The following DLGAP1 variants were observed in gnomAD, a reference collection of about 807,000 sequenced individuals.
DLGAP1 encodes the protein DLG associated protein 1, also known as disks large-associated protein 1.
In DLGAP1, 11 loss-of-function variants were observed where a neutral mutation model predicts 90.8. That is an observed-to-expected ratio of 0.12 (90% CI 0.08 to 0.20). DLGAP1 has a LOEUF of 0.20. Among genes scored for constraint, DLGAP1 ranks in the 10% least tolerant of loss-of-function variants. DLGAP1 has a pLI of 1.00. For missense variants in DLGAP1, 1,050 were observed against 1,333.8 expected (o/e 0.79, Z 3.31); for synonymous variants, 558 against 540.7 (o/e 1.03, Z -0.44).
intron 2 of DLGAP1, among the ~76,000 whole-genome samples, chr18:4,034,396 A>G (rs537467001): frequency 6.6e-6 from 1 of 152,266 alleles, no homozygotes; most frequent in South Asian, 2.1e-4. Flanking sequence ...GATATTATTA[A>G]TCACATTAAA....
intron 1 of DLGAP1, among the ~76,000 whole-genome samples, chr18:4,335,343 C>T (rs1266830403): frequency 6.6e-6 from 1 of 151,964 alleles, no homozygotes; most frequent in East Asian, 1.9e-4. Context: ...GCATGATCCA[C>T]TACACGAGAG....
chr18:4,068,442 A>G (rs188502218), intron 2 of DLGAP1, among the ~76,000 whole-genome samples: 22 of 151,866 alleles, frequency 1.4e-4, no homozygotes, highest in African/African-American at 4.6e-4. Context: ...TTTTCCATAT[A>G]TTTACATTTG....
At position 4,111,199 on chromosome 18, in the gene DLGAP1, G is replaced by A. The variant is rs2075966603; in HGVS notation, c.-159+39981C>T. Among the ~76,000 whole-genome samples, 3 of 152,058 alleles carry A rather than the reference G, an allele frequency of 2.0e-5. No individual in the cohort carries two copies. The South Asian group carries it at 6.2e-4, about 32-fold the overall frequency. On this transcript the variant is annotated intron_variant, in intron 2 of 12. Coordinates refer to ENST00000315677, the MANE Select transcript of DLGAP1 (RefSeq NM_004746.4). ...GAGTTTTTTTCTGTTGTATTGATATGATGTATTACATTATTTGAGTTTTGA... is the reference window on the plus strand; with the variant it reads ...GAGTTTTTTTCTGTTGTATTGATATAATGTATTACATTATTTGAGTTTTGA...
chr18:3,665,273 C>G (rs980778173), intron 7 of DLGAP1, among the ~76,000 whole-genome samples: 5 of 151,898 alleles, frequency 3.3e-5, no homozygotes, highest in Admixed American at 1.3e-4. Flanking sequence ...CCCCCTCCCC[C>G]CAACCCCTTC....
chr18:3,582,104 T>A lies in DLGAP1; in HGVS notation c.1736A>T (p.Asp579Val). ...GCTGAGTCCAGACTGGCTGATAATATCTCCTCGCTGGCCCTGTCCGTCCAT... is the reference window on the plus strand; with the variant it reads ...GCTGAGTCCAGACTGGCTGATAATAACTCCTCGCTGGCCCTGTCCGTCCAT... ...AYMDGQGQRG[D>V]IISQSGLSNS... Residue 579 changes from aspartate (D) to valine (V), a missense_variant, in exon 8 of 13, where the codon GAT becomes GTT. Transcript: ENST00000315677. 6.2e-7 allele frequency: 1 copy of A among 1,613,800 alleles called. No individual in the cohort carries two copies. Among genetic ancestry groups the A allele is most frequent in the South Asian group, 1.1e-5 (1 of 91,046 alleles).
intron 3 of DLGAP1, among the ~76,000 whole-genome samples, chr18:3,976,424 GA>G (rs1308942591): frequency 6.6e-6 from 1 of 151,832 alleles, no homozygotes; most frequent in Non-Finnish European, 1.5e-5. Context: ...ATGCATTAAG[GA>G]AAATATAGAG....
At chr18:4,418,765 A>G (rs1430536518) in intron 1 of DLGAP1, among the ~76,000 whole-genome samples, 1 of 152,162 alleles carries the variant, frequency 6.6e-6, no homozygotes, top group Non-Finnish European at 1.5e-5. Context: ...ACAGAAAGAG[A>G]AGAGAAACAA....
chr18:3,910,084 T>C (rs1474327104), intron 3 of DLGAP1, among the ~76,000 whole-genome samples: 2 of 151,098 alleles, frequency 1.3e-5, no homozygotes, highest in Non-Finnish European at 2.9e-5. Flanking sequence ...TAAAAACTTT[T>C]ACAAGTTAAT....
At chr18:3,823,485 A>T (rs2067535159) in intron 4 of DLGAP1, among the ~76,000 whole-genome samples, 1 of 152,234 alleles carries the variant, frequency 6.6e-6, no homozygotes, top group South Asian at 2.1e-4. Flanking sequence ...AATAACTTAG[A>T]CCAAATGTTA....
chr18:3,746,461 A>C (rs529574407), intron 5 of DLGAP1, among the ~76,000 whole-genome samples: 1 of 152,192 alleles, frequency 6.6e-6, no homozygotes, highest in Non-Finnish European at 1.5e-5. Flanking sequence ...AAGGTTAATG[A>C]ATGGAAGTAC....
intron 1 of DLGAP1, among the ~76,000 whole-genome samples, chr18:4,329,059 A>G (rs1400304537): frequency 1.3e-5 from 2 of 152,022 alleles, no homozygotes; most frequent in Admixed American, 1.3e-4. Context: ...ATGTACCAAC[A>G]TTTTCTTTTA....
At chr18:4,245,075 A>G (rs999860997) in intron 1 of DLGAP1, among the ~76,000 whole-genome samples, 2 of 152,196 alleles carry the variant, frequency 1.3e-5, no homozygotes, top group African/African-American at 4.8e-5. Context: ...TGTTCAACTT[A>G]GCAATTGTGA....
chr18:4,211,234 G>A (rs1429490776), intron 1 of DLGAP1, among the ~76,000 whole-genome samples: 1 of 152,110 alleles, frequency 6.6e-6, no homozygotes, highest in Non-Finnish European at 1.5e-5. Flanking sequence ...GATGGCTGGG[G>A]GGTTTTATGT....
At chr18:3,618,205 TTGCAACAGCAA>T (rs758785068) in intron 7 of DLGAP1, among the ~76,000 whole-genome samples, 51 of 152,336 alleles carry the variant, frequency 3.3e-4, no homozygotes, top group Non-Finnish European at 6.9e-4. Context: ...AGGAAGGACT[TTGCAACAGCAA>T]TTACTCTAAC....
intron 5 of DLGAP1, among the ~76,000 whole-genome samples, chr18:3,769,607 C>T (rs1039888304): frequency 6.6e-6 from 1 of 152,070 alleles, no homozygotes; most frequent in Admixed American, 6.5e-5. Flanking sequence ...AAGCCAGTCC[C>T]AAAAGGTTAC....
intron 1 of DLGAP1, among the ~76,000 whole-genome samples, chr18:4,269,554 C>A (rs1216375300): frequency 6.6e-6 from 1 of 151,698 alleles, no homozygotes; most frequent in African/African-American, 2.4e-5. Context: ...CGGGGTTTCA[C>A]CGTGTTAGCC....
intron 1 of DLGAP1, among the ~76,000 whole-genome samples, chr18:4,299,701 A>AC (rs1229878483): frequency 7.5e-5 from 10 of 132,540 alleles, no homozygotes; most frequent in Non-Finnish European, 1.5e-4. Context: ...AAACACACAC[A>AC]AAAAAAACAA....
rs568615376 is a variant in DLGAP1, at chr18:3,964,503, G to A, written c.-73+40613C>T. Among the ~76,000 whole-genome samples, 33 of 152,252 alleles carry A rather than the reference G, an allele frequency of 2.2e-4. No individual in the cohort carries two copies. In the South Asian group the frequency reaches 2.7e-3, roughly 12 times the overall value. On this transcript the variant is annotated intron_variant, in intron 3 of 12. Transcript: ENST00000315677. ...ATGTTCAATAAATAGATGACAGAGTGAGCAATGCTGGGAAAAGGGCATAAG... is the reference window on the plus strand; with the variant it reads ...ATGTTCAATAAATAGATGACAGAGTAAGCAATGCTGGGAAAAGGGCATAAG...
At chr18:3,829,283 T>C (rs945634883) in intron 4 of DLGAP1, among the ~76,000 whole-genome samples, 1 of 152,262 alleles carries the variant, frequency 6.6e-6, no homozygotes, top group African/African-American at 2.4e-5. Context: ...TATGACATGC[T>C]AACTCATTCA....
Sources: gnomAD v4.1 joint callset for allele counts (sites outside exome capture counted in the v4.1 genomes callset) on GRCh38, gnomAD v4.1.1 for gene constraint, MANE v1.5 for transcripts, NCBI Gene and HGNC (gene_info 2026-07-23, HGNC 2026-07-21) for gene names.